The following RPS6KA2 variants were observed in gnomAD, a reference collection of about 807,000 sequenced individuals.
RPS6KA2 encodes ribosomal protein S6 kinase A2.
RPS6KA2 carries 42 observed loss-of-function variants against 91.8 expected under a neutral mutation model. The observed-to-expected ratio is 0.46, with a 90% CI of 0.36 to 0.59. RPS6KA2 has a LOEUF of 0.59. Among genes scored for constraint, RPS6KA2 ranks in the 20% least tolerant of loss-of-function variants. RPS6KA2 has a pLI of 0.00. For synonymous variants in RPS6KA2, 414 were observed against 393.6 expected (o/e 1.05, Z -0.61); for missense variants, 798 against 978.5 (o/e 0.82, Z 2.46).
chr6:166,714,804 C>T (rs1270047705), intron 2 of RPS6KA2, among the ~76,000 whole-genome samples: 1 of 152,276 alleles, frequency 6.6e-6, no homozygotes, highest in Non-Finnish European at 1.5e-5. Flanking sequence ...CTTGGCCACA[C>T]AGTTTGTGGA....
intron 2 of RPS6KA2, among the ~76,000 whole-genome samples, chr6:166,856,182 C>T (rs78930660): frequency 0.038 from 5,813 of 152,266 alleles, 170 homozygotes; most frequent in Middle Eastern, 0.058. Context: ...TTCTCCAAAA[C>T]TCATATGTTA....
intron 2 of RPS6KA2, among the ~76,000 whole-genome samples, chr6:166,694,421 A>G (rs948448673): frequency 6.6e-6 from 1 of 152,232 alleles, no homozygotes; most frequent in African/African-American, 2.4e-5. Context: ...AATACAATAA[A>G]GTCACTACTC....
rs766868589 is a variant in RPS6KA2, at chr6:166,459,565, G to C, written c.973-14C>G. On this transcript the variant is annotated splice_polypyrimidine_tract_variant and intron_variant, in intron 11 of 20. Coordinates refer to ENST00000265678, the MANE Select transcript of RPS6KA2 (RefSeq NM_021135.6). This position sits in a 1 kb window ranked among gnomAD's most constrained non-coding sequence, Gnocchi z 4.9. Reference sequence around the variant, plus strand: ...CCGGTACAGCGTCTATTAATACAAGGAAAGCAAGACAGGGCACTGAGGATG... The same window carrying C: ...CCGGTACAGCGTCTATTAATACAAGCAAAGCAAGACAGGGCACTGAGGATG... The C allele has an allele frequency of 6.3e-7, 1 of 1,599,212 alleles. No individual in the cohort carries two copies. The highest frequency in any genetic ancestry group is 1.3e-5 in the African/African-American group (1 of 74,662).
At position 166,676,653 on chromosome 6, in the gene RPS6KA2, C is replaced by T. The variant is rs115001900; in HGVS notation, c.124-137869G>A. On this transcript the variant is annotated intron_variant, in intron 2 of 21. Transcript: ENST00000503859. The stretch of plus-strand genomic sequence containing the variant: ...CCTGTGCTGAGCCCTCCCGTGAGGC[C>T]GGGCATCAGATAATAAGACTTTTCC... Among the ~76,000 whole-genome samples the T allele has an allele frequency of 7.6e-3, 1,160 of 152,304 alleles. 13 individuals are homozygous for T. Among genetic ancestry groups the T allele is most frequent in the African/African-American group, 0.024 (983 of 41,566 alleles).
intron 11 of RPS6KA2, chr6:166,463,414 G>C (rs1383082868): frequency 6.6e-6 from 1 of 152,152 alleles, no homozygotes; most frequent in Admixed American, 6.5e-5. Flanking sequence ...AAACCGACGA[G>C]AGAAAATGCA....
In RPS6KA2 at chr6:166,753,878, C is replaced by T. The variant is rs559473807; in HGVS notation, c.123+104322G>A. ...CTCTACAAGAAGATGCCCACTTTCC[C>T]GAAATTTCAAGAGAGACGACTGTCA... On this transcript the variant is annotated intron_variant, in intron 2 of 21. Transcript: ENST00000503859. Among the ~76,000 whole-genome samples, 330 of 152,260 alleles carry T rather than the reference C, an allele frequency of 2.2e-3. 1 individual carries two copies. The highest frequency in any genetic ancestry group is 7.5e-3 in the African/African-American group (313 of 41,556).
intron 2 of RPS6KA2, among the ~76,000 whole-genome samples, chr6:166,728,130 C>T (rs948027329): frequency 5.9e-5 from 9 of 152,174 alleles, no homozygotes; most frequent in African/African-American, 2.2e-4. Context: ...AAATACCATG[C>T]CATTTTATAG....
At chr6:166,745,151 T>C (rs1192084701) in intron 2 of RPS6KA2, among the ~76,000 whole-genome samples, 55 of 145,330 alleles carry the variant, frequency 3.8e-4, no homozygotes, top group Admixed American at 1.7e-3. Context: ...AATCGGCCTT[T>C]TTTTTTTTTT....
chr6:166,751,308 C>T (rs1362641852), intron 2 of RPS6KA2, among the ~76,000 whole-genome samples: 1 of 152,266 alleles, frequency 6.6e-6, no homozygotes, highest in Non-Finnish European at 1.5e-5. Context: ...AGAGATTACA[C>T]AGGAATTCAG....
chr6:166,768,574 T>C (rs892204688), intron 2 of RPS6KA2, among the ~76,000 whole-genome samples: 2 of 152,238 alleles, frequency 1.3e-5, no homozygotes, highest in African/African-American at 4.8e-5. Flanking sequence ...ACATCAACTT[T>C]TGTAGAGTCT....
chr6:166,568,563 A>G (rs1253614942), intron 1 of RPS6KA2, among the ~76,000 whole-genome samples: 1 of 136,066 alleles, frequency 7.3e-6, no homozygotes, highest in East Asian at 2.5e-4. Context: ...GGTTGCGGAG[A>G]GCCGAGATTG....
At chr6:166,862,308 G>C in exon 1 of RPS6KA2, 8 of 1,548,486 alleles carry the variant, frequency 5.2e-6, no homozygotes, top group Admixed American at 3.6e-5. Context: ...GGCGGCGATG[G>C]AGAGGACAGA....
intron 2 of RPS6KA2, among the ~76,000 whole-genome samples, chr6:166,718,203 C>G (rs986559017): frequency 6.6e-6 from 1 of 152,144 alleles, no homozygotes; most frequent in Non-Finnish European, 1.5e-5. Flanking sequence ...ACCCTCACTT[C>G]CCCTTAAGTA....
chr6:166,449,924 G>A (rs1219545805), intron 13 of RPS6KA2, among the ~76,000 whole-genome samples: 1 of 144,788 alleles, frequency 6.9e-6, no homozygotes, highest in Non-Finnish European at 1.5e-5. Flanking sequence ...CACCATGACA[G>A]ACTACCACAG....
intron 2 of RPS6KA2, among the ~76,000 whole-genome samples, chr6:166,812,598 G>A (rs1003681457): frequency 1.3e-5 from 2 of 152,084 alleles, no homozygotes; most frequent in African/African-American, 2.4e-5. Context: ...TGTTGGGCGC[G>A]TGGCCTCCCA....
At chr6:166,797,650 G>A (rs1471599057) in intron 2 of RPS6KA2, among the ~76,000 whole-genome samples, 3 of 152,048 alleles carry the variant, frequency 2.0e-5, no homozygotes, top group Non-Finnish European at 4.4e-5. Flanking sequence ...CCAGGCAGGG[G>A]GTGCTGACGA....
At position 166,477,610 on chromosome 6, in the gene RPS6KA2, T is replaced by C. The variant is rs1353461086; in HGVS notation, c.908-7705A>G. On this transcript the variant is annotated intron_variant, in intron 10 of 20. Transcript: ENST00000265678. ...ATCCTCTCCCAGCAATATAATAATG[T>C]TTGAAAGAAAATAGTGACTCTGGCC... Among the ~76,000 whole-genome samples, 7 of 152,272 alleles carry C rather than the reference T, an allele frequency of 4.6e-5. 1 individual carries two copies. In the South Asian group the frequency reaches 1.4e-3, roughly 32 times the overall value.
chr6:166,703,663 C>T (rs960774047), intron 2 of RPS6KA2, among the ~76,000 whole-genome samples: 1 of 152,148 alleles, frequency 6.6e-6, no homozygotes, highest in Non-Finnish European at 1.5e-5. Context: ...CATTTCTTCA[C>T]AGAAGGAATA....
intron 2 of RPS6KA2, chr6:166,771,003 A>G: frequency 9.2e-7 from 1 of 1,090,256 alleles, no homozygotes; most frequent in Non-Finnish European, 1.3e-6. Context: ...TTACTACCAT[A>G]CTCACCAGGC....
Sources: allele counts gnomAD v4.1 joint callset (sites outside exome capture counted in the v4.1 genomes callset), GRCh38; gene constraint gnomAD v4.1.1; non-coding constraint Gnocchi (gnomAD v3.1); transcripts MANE v1.5; gene names NCBI Gene and HGNC (gene_info 2026-07-23, HGNC 2026-07-21).